The following ANKDD1A variants were observed in gnomAD, a reference collection of about 807,000 sequenced individuals.
The protein encoded by ANKDD1A is ankyrin repeat and death domain containing 1A, also known as ankyrin repeat and death domain-containing protein 1A.
Under a neutral mutation model 63.5 loss-of-function variants are expected in ANKDD1A, and 59 were observed. The observed-to-expected ratio is 0.93, with a 90% CI of 0.75 to 1.15. ANKDD1A has a LOEUF of 1.15. Ranked by LOEUF, ANKDD1A falls within the 50% of genes most tolerant of loss-of-function variation. The pLI is 0.00. For missense variants in ANKDD1A, 632 were observed against 656.4 expected, an observed-to-expected ratio of 0.96 and a Z score of 0.41; for synonymous variants, 266 against 263.9, an observed-to-expected ratio of 1.01 and a Z score of -0.08.
At chr15:64,930,070 G>A (rs34983782) in intron 6 of ANKDD1A, among the ~76,000 whole-genome samples, 46,406 of 151,760 alleles carry the variant, frequency 0.31, 8,171 homozygotes, top group East Asian at 0.69. Context: ...ACAGGGAGGG[G>A]GACAACACAC....
chr15:64,953,876 A>ATTC (rs2085364219), intron 14 of ANKDD1A, among the ~76,000 whole-genome samples: 7 of 84,802 alleles, frequency 8.3e-5, no homozygotes, highest in Admixed American at 1.6e-4. Context: ...TTTCTTCTTC[A>ATTC]TTCTTTCTTC....
chr15:64,917,249 TC>T (rs2084974387), intron 2 of ANKDD1A, 136 bp from the exon 3 acceptor site: 1 of 1,155,370 alleles, frequency 8.7e-7, no homozygotes, highest in East Asian at 2.7e-5. Flanking sequence ...TGGGGCTGGG[TC>T]CCCAGCTAGC....
chr15:64,957,073 T>G, intron 14 of ANKDD1A, 30 bp from the exon 15 acceptor site: 1 of 450,288 alleles, frequency 2.2e-6, no homozygotes, highest in Non-Finnish European at 4.4e-6. Flanking sequence ...TTTGTTTTGT[T>G]TTTTGAGACA....
intron 14 of ANKDD1A, among the ~76,000 whole-genome samples, chr15:64,953,740 TCTTTCC>T (rs2085358117): frequency 6.8e-6 from 1 of 147,678 alleles, no homozygotes; most frequent in Non-Finnish European, 1.5e-5. Context: ...TCCTCCTTCT[TCTTTCC>T]TCTTTTCTTC....
At chr15:64,933,843 GA>G (rs959026263) in intron 8 of ANKDD1A, among the ~76,000 whole-genome samples, 63 of 149,068 alleles carry the variant, frequency 4.2e-4, no homozygotes, top group African/African-American at 1.2e-3. Flanking sequence ...TCTGTCTCGG[GA>G]AAAAAAAAAG....
At chr15:64,931,698 A>G (rs2085093337) in intron 8 of ANKDD1A, 113 bp downstream of exon 8, 3 of 1,177,424 alleles carry the variant, frequency 2.5e-6, no homozygotes, top group Non-Finnish European at 3.7e-6. Context: ...GCTTCGAGGC[A>G]GCAGACAAGG....
intron 12 of ANKDD1A, among the ~76,000 whole-genome samples, chr15:64,946,527 G>A (rs960094768): frequency 1.3e-5 from 2 of 152,176 alleles, no homozygotes; most frequent in African/African-American, 4.8e-5. Context: ...TGAGTACTAA[G>A]CCACTTCAGG....
intron 14 of ANKDD1A, among the ~76,000 whole-genome samples, chr15:64,955,116 CAA>C: frequency 1.3e-5 from 2 of 151,738 alleles, no homozygotes; most frequent in Non-Finnish European, 2.9e-5. Context: ...TGCAGTGGCG[CAA>C]TCTTGGCTCA....
At chr15:64,951,564 C>CTTTCTTTTTCTTTT (rs2085278362) in intron 14 of ANKDD1A, 3 of 122,692 alleles carry the variant, frequency 2.4e-5, no homozygotes, top group Non-Finnish European at 5.0e-5. Flanking sequence ...CTTTCTTTTT[C>CTTTCTTTTTCTTTT]TTTTCTTTCT....
chr15:64,942,287 G>A (rs77368603), intron 9 of ANKDD1A, among the ~76,000 whole-genome samples, 180 bp from the exon 10 acceptor site: 4,629 of 152,126 alleles, frequency 0.03, 228 homozygotes, highest in South Asian at 0.12. Flanking sequence ...ATCAGTTTGG[G>A]GCTCCAGGAA....
At chr15:64,953,565 CCTT>C (rs548687264) in intron 14 of ANKDD1A, among the ~76,000 whole-genome samples, 3 of 125,140 alleles carry the variant, frequency 2.4e-5, no homozygotes, top group African/African-American at 8.4e-5. Context: ...CTTTCTTCCT[CCTT>C]CTTCTTAGTT....
chr15:64,946,272 T>A lies in ANKDD1A; in HGVS notation c.1162-1132T>A, dbSNP rs997501483. On this transcript the variant is annotated intron_variant, in intron 12 of 14. Transcript: ENST00000319580. The stretch of plus-strand genomic sequence containing the variant: ...ACCATTAACTTAAACCTATAAATAA[T>A]CTCAAATATCTTAAACATTCCAATG... Among the ~76,000 whole-genome samples, 4 of 152,302 alleles carry A rather than the reference T, an allele frequency of 2.6e-5. No homozygotes were observed. The East Asian group carries it at 7.7e-4, about 29-fold the overall frequency.
intron 14 of ANKDD1A, among the ~76,000 whole-genome samples, chr15:64,954,751 T>C (rs1258038404): frequency 5.1e-4 from 69 of 136,574 alleles, no homozygotes; most frequent in South Asian, 3.6e-3. Context: ...CTCCTTCTTC[T>C]TTCTTTTTGT....
Position 64,953,938 on chromosome 15 carries a change from C to CTTTA in ANKDD1A, c.1484-3163_1484-3162insTATT, listed in dbSNP as rs1425027146. ...TTCTTCTCTTTTTCTTTTTTCTTTT[C>CTTTA]TTCCTCTTCTTCTATTGTTTCTTTT... On this transcript the variant is annotated intron_variant, in intron 14 of 14. Transcript: ENST00000319580. Among the ~76,000 whole-genome samples, 4 of 97,030 alleles carry CTTTA rather than the reference C, an allele frequency of 4.1e-5. No homozygotes were observed. In the East Asian group the frequency reaches 1.4e-3, roughly 34 times the overall value. 63.7% of individuals were successfully genotyped at this position (97,030 alleles called of 152,430 possible). A position where few individuals can be genotyped will look rare whatever the true frequency, so the allele number is the denominator to read the frequency against.
intron 14 of ANKDD1A, chr15:64,950,752 T>A: frequency 6.9e-6 from 2 of 291,162 alleles, no homozygotes. Context: ...CCCCCCCCCA[T>A]AGCTGCTATA....
At chr15:64,954,711 TTC>T (rs1566919052) in intron 14 of ANKDD1A, among the ~76,000 whole-genome samples, 7 of 95,866 alleles carry the variant, frequency 7.3e-5, no homozygotes, top group African/African-American at 2.6e-4. Flanking sequence ...CTCCTTCTTC[TTC>T]TCCTTCTCCT....
chr15:64,935,180 A>G (rs893895480), intron 9 of ANKDD1A, among the ~76,000 whole-genome samples: 3 of 148,490 alleles, frequency 2.0e-5, no homozygotes, highest in African/African-American at 7.5e-5. Flanking sequence ...GTGAGCCATG[A>G]TCACACCACT....
Position 64,931,581 on chromosome 15 carries a change from C to T in ANKDD1A, c.764C>T (p.Thr255Ile). ...GCTGGGAGCACCGTGAATGCCCTCA[C>T]CCAGGTAGCCAGGCCCTCCCAAGAC... ...LRAGSTVNALTQKNLSCLHYA... is the reference protein window; with the variant it reads ...LRAGSTVNALIQKNLSCLHYA... Residue 255 changes from threonine to isoleucine, a missense_variant, in exon 8 of 15, where the codon ACC becomes ATC. Transcript: ENST00000319580. 4.3e-6 allele frequency: 7 copies of T among 1,613,868 alleles called. No individual in the cohort carries two copies. Among genetic ancestry groups the T allele is most frequent in the Non-Finnish European group, 5.9e-6 (7 of 1,179,996 alleles).
chr15:64,951,472 T>TTCTTTCTTC (rs200083333), intron 14 of ANKDD1A: 2 of 131,470 alleles, frequency 1.5e-5, no homozygotes, highest in Admixed American at 9.1e-5. Flanking sequence ...CTCTTTTTTC[T>TTCTTTCTTC]TTTCTTCTTC....
Sources: allele counts gnomAD v4.1 joint callset (sites outside exome capture counted in the v4.1 genomes callset), GRCh38; gene constraint gnomAD v4.1.1; transcripts MANE v1.5; gene names NCBI Gene and HGNC (gene_info 2026-07-23, HGNC 2026-07-21).